The following ADAP1 variants were observed in gnomAD, a reference collection of about 807,000 sequenced individuals.
ADAP1 encodes arf-GAP with dual PH domain-containing protein 1.
ADAP1 carries 31 observed loss-of-function variants against 54.9 expected under a neutral mutation model. The ratio of observed to expected loss-of-function variants is 0.56; its 90% confidence interval spans 0.42 to 0.76. ADAP1 has a LOEUF of 0.76. Among genes scored for constraint, ADAP1 ranks in the 30% least tolerant of loss-of-function variants. The pLI, the probability that ADAP1 is intolerant of heterozygous loss-of-function variation, is 0.00. For missense variants in ADAP1, 535 were observed against 512.4 expected (o/e 1.04, Z -0.42); for synonymous variants, 313 against 202.6 (o/e 1.55, Z -4.63).
intron 1 of ADAP1, among the ~76,000 whole-genome samples, chr7:948,366 G>A (rs760054737): frequency 3.3e-5 from 5 of 151,952 alleles, no homozygotes; most frequent in Admixed American, 6.6e-5. Flanking sequence ...CTGCAGAAGC[G>A]CTCCATGGTG....
intron 6 of ADAP1, among the ~76,000 whole-genome samples, chr7:902,475 A>AAAATGCCTGGGCGTGGTGGTGCGC (rs1491159593): frequency 7.0e-5 from 10 of 142,256 alleles, no homozygotes; most frequent in East Asian, 2.1e-4. Context: ...AAAAAAAGAA[A>AAAATGCCTGGGCGTGGTGGTGCGC]GAAAAGAAAG....
intron 4 of ADAP1, among the ~76,000 whole-genome samples, chr7:908,557 G>C (rs1042210940): frequency 2.0e-5 from 3 of 152,228 alleles, no homozygotes; most frequent in Non-Finnish European, 4.4e-5. Flanking sequence ...GCTTCTCACT[G>C]TGAGAGCGAG....
intron 3 of ADAP1, among the ~76,000 whole-genome samples, chr7:925,322 A>G (rs2128106416): frequency 6.7e-6 from 1 of 149,632 alleles, no homozygotes; most frequent in South Asian, 2.1e-4. Context: ...GGAATTTGCA[A>G]CCAGCCTGGG....
At chr7:922,375 G>A (rs1218342180) in intron 3 of ADAP1, among the ~76,000 whole-genome samples, 1 of 152,178 alleles carries the variant, frequency 6.6e-6, no homozygotes, top group Non-Finnish European at 1.5e-5. Flanking sequence ...GTGAGCTGGG[G>A]GCAGGGGGCC....
At chr7:915,110 T>C (rs943060137) in intron 4 of ADAP1, among the ~76,000 whole-genome samples, 1 of 151,648 alleles carries the variant, frequency 6.6e-6, no homozygotes, top group East Asian at 1.9e-4. Flanking sequence ...AGCCACACAC[T>C]CTGGAGCAGC....
chr7:900,621 G>GGGCAAAGGCA lies in ADAP1; in HGVS notation c.649-6_649-5insTGCCTTTGCC, dbSNP rs113839920. 947,001 of 1,586,660 alleles carry GGGCAAAGGCA rather than the reference G, an allele frequency of 0.6. 284,468 individuals are homozygous for GGGCAAAGGCA. The highest frequency in any genetic ancestry group is 0.62 in the Admixed American group (35,556 of 57,596). ...ATTGAACCAGTCCACAATCTCCTAG[G>GGGCAAAGGCA]GGCAAAGGTGGGCACAGGCTTGGGC... On this transcript the variant is annotated splice_polypyrimidine_tract_variant and splice_region_variant and intron_variant, in intron 6 of 10. Transcript: ENST00000265846.
intron 4 of ADAP1, among the ~76,000 whole-genome samples, chr7:911,164 A>T (rs1677465800): frequency 6.6e-6 from 1 of 152,136 alleles, no homozygotes; most frequent in East Asian, 1.9e-4. Flanking sequence ...CTCTCCAAAC[A>T]GCCAGGACAG....
rs1847114708 is a variant in ADAP1 at position 945,469 on chromosome 7, CTG to C, written c.82+8925_82+8926del. Among the ~76,000 whole-genome samples the C allele has an allele frequency of 6.6e-6, 1 of 152,252 alleles. No individual in the cohort carries two copies. Among genetic ancestry groups the C allele is most frequent in the East Asian group, 1.9e-4 (1 of 5,198 alleles). On this transcript the variant is annotated intron_variant, in intron 1 of 10. Transcript: ENST00000265846. This position sits in a 1 kb window ranked among gnomAD's most constrained non-coding sequence, Gnocchi z 4.2. ...CAGGACCACTTCTGGGTTCCCAGGA[CTG>C]TGGAATTTTGTTCCAAAATGCCTGG... is the stretch of plus-strand genomic sequence containing the variant.
At chr7:943,697 C>A (rs62638846) in intron 1 of ADAP1, among the ~76,000 whole-genome samples, 4 of 5,070 alleles carry the variant, frequency 7.9e-4, no homozygotes, top group South Asian at 0.023. Context: ...AGGAAGGGAG[C>A]GAGGAGGAAG....
intron 1 of ADAP1, among the ~76,000 whole-genome samples, chr7:944,620 C>T (rs1396199927): frequency 6.6e-6 from 1 of 151,982 alleles, no homozygotes; most frequent in African/African-American, 2.4e-5. Context: ...TTATGGGGTC[C>T]ACAAGACATT....
rs1412634661 is a variant in ADAP1 at position 933,127 on chromosome 7, C to T, written c.213+2248G>A. ...CTCTACTAAAAATACGAAAATTAGCCGGGCGTGGTGGCGTGCACCTGCAAT... is the reference window on the plus strand; with the variant it reads ...CTCTACTAAAAATACGAAAATTAGCTGGGCGTGGTGGCGTGCACCTGCAAT... On this transcript the variant is annotated intron_variant, in intron 2 of 10. Transcript: ENST00000265846. 2.6e-5 allele frequency among the ~76,000 whole-genome samples: 4 copies of T among 151,940 alleles called. No individual in the cohort carries two copies. The East Asian group carries it at 5.9e-4, about 22-fold the overall frequency.
upstream of ADAP1, chr7:954,798 G>A: frequency 2.5e-6 from 2 of 815,024 alleles, no homozygotes; most frequent in Non-Finnish European, 3.0e-6. Flanking sequence ...CCCCCAGCCC[G>A]CGCGCCCCGG....
At chr7:952,311 C>A (rs1847291669) in intron 1 of ADAP1, among the ~76,000 whole-genome samples, 2 of 152,168 alleles carry the variant, frequency 1.3e-5, no homozygotes, top group African/African-American at 4.8e-5. Context: ...CCAGGCCTGG[C>A]GTTCAGAGGT....
chr7:930,772 T>A (rs1846547728), intron 2 of ADAP1, among the ~76,000 whole-genome samples: 3 of 149,664 alleles, frequency 2.0e-5, no homozygotes, highest in African/African-American at 7.4e-5. Flanking sequence ...TGAGGTGAGA[T>A]CACACCACTG....
At chr7:934,995 G>A (rs959515243) in intron 2 of ADAP1, among the ~76,000 whole-genome samples, 1 of 152,240 alleles carries the variant, frequency 6.6e-6, no homozygotes, top group Non-Finnish European at 1.5e-5. Flanking sequence ...GTGCCGCGCG[G>A]CCTGGGACGC....
rs192222499 is a variant in ADAP1, at chr7:951,957, G to A, written c.82+2439C>T. The stretch of plus-strand genomic sequence containing the variant: ...ACTGGGATGACAGGCGTGAGCCACC[G>A]CGCCCGGTCCCTGTCCTCTGTTGCG... On this transcript the variant is annotated intron_variant, in intron 1 of 10. Transcript: ENST00000265846. 3.0e-3 allele frequency among the ~76,000 whole-genome samples: 451 copies of A among 152,276 alleles called. 3 individuals carry two copies. Among genetic ancestry groups the A allele is most frequent in the African/African-American group, 0.01 (428 of 41,552 alleles).
Position 926,587 on chromosome 7 carries a change from A to C in ADAP1, c.271T>G (p.Ser91Ala). Residue 91 changes from serine to alanine, a missense_variant, in exon 3 of 11, where the codon TCC (serine) becomes GCC (alanine). Coordinates refer to ENST00000265846, the MANE Select transcript of ADAP1 (RefSeq NM_006869.4). This position sits in a 1 kb window ranked among gnomAD's most constrained non-coding sequence, Gnocchi z 4.6. ...GAGGGCGTGGGCCGGTAGTAGAAGG[A>C]GGGTACTTTGGACTCAAACCTGGCT... is the stretch of plus-strand genomic sequence containing the variant. ...ARARFESKVP[S>A]FYYRPTPSDC... is the part of the protein sequence containing the mutation. 6.5e-7 allele frequency: 1 copy of C among 1,541,818 alleles called. No individual in the cohort carries two copies. Among genetic ancestry groups the C allele is most frequent in the Non-Finnish European group, 8.7e-7 (1 of 1,144,436 alleles).
intron 1 of ADAP1, among the ~76,000 whole-genome samples, chr7:937,028 G>A (rs992798066): frequency 9.2e-5 from 14 of 152,292 alleles, no homozygotes; most frequent in African/African-American, 1.2e-4. Context: ...GGGATGGTGC[G>A]TGAGAACCAG....
chr7:954,960 G>T (rs1847351413), upstream of ADAP1, among the ~76,000 whole-genome samples: 2 of 152,146 alleles, frequency 1.3e-5, no homozygotes, highest in Admixed American at 1.3e-4. Context: ...CCTACTGTGG[G>T]GGGCGCAGAG....
Sources: gnomAD v4.1 joint callset for allele counts (sites outside exome capture counted in the v4.1 genomes callset) on GRCh38, gnomAD v4.1.1 for gene constraint, Gnocchi (gnomAD v3.1) non-coding constraint, MANE v1.5 for transcripts, NCBI Gene and HGNC (gene_info 2026-07-23, HGNC 2026-07-21) for gene names.